Variants in SPPL2A observed in about 807,000 individuals in gnomAD.
SPPL2A encodes signal peptide peptidase-like 2A.
A neutral mutation model predicts 63.8 loss-of-function variants in SPPL2A; 51 were observed. The ratio of observed to expected loss-of-function variants is 0.80; its 90% CI spans 0.64 to 1.01. The LOEUF is 1.01. Among genes scored for constraint, SPPL2A ranks in the 50% least tolerant of loss-of-function variants. SPPL2A has a pLI of 0.00. For missense variants in SPPL2A, 553 were observed against 622.7 expected (o/e 0.89, Z 1.19); for synonymous variants, 188 against 205.8 (o/e 0.91, Z 0.74).
At chr15:50,744,905 A>G (rs1213376109) in intron 5 of SPPL2A, among the ~76,000 whole-genome samples, 3 of 152,216 alleles carry the variant, frequency 2.0e-5, no homozygotes, top group Non-Finnish European at 2.9e-5. Flanking sequence ...AGGATAATTT[A>G]TCATAAATCA....
intron 1 of SPPL2A, among the ~76,000 whole-genome samples, chr15:50,758,640 C>T (rs1420476704): frequency 6.6e-6 from 1 of 151,964 alleles, no homozygotes; most frequent in East Asian, 1.9e-4. Context: ...TTATGATTTA[C>T]ATTAGAATTC....
At chr15:50,762,739 T>C (rs1355289721) in intron 1 of SPPL2A, among the ~76,000 whole-genome samples, 1 of 150,304 alleles carries the variant, frequency 6.7e-6, no homozygotes, top group East Asian at 1.9e-4. Flanking sequence ...TCTTTTCTTT[T>C]TTTTTTTTTT....
At chr15:50,748,353 G>T in intron 3 of SPPL2A, 151 bp from the exon 4 acceptor site, 1 of 427,646 alleles carries the variant, frequency 2.3e-6, no homozygotes, top group Non-Finnish European at 4.1e-6. Context: ...TCTCAAAATT[G>T]AATCCTTTTA....
chr15:50,705,975 T>C lies in SPPL2A; in HGVS notation c.*1825A>G, dbSNP rs1337140490. 2 of 152,224 alleles carry C rather than the reference T, an allele frequency of 1.3e-5. No individual in the cohort carries two copies. The highest frequency in any genetic ancestry group is 2.9e-5 in the Non-Finnish European group (2 of 68,030). 9.4% of individuals were successfully genotyped at this position (152,224 alleles called of 1,614,324 possible). Reference sequence around the variant, plus strand: ...GAAAATGGAAAGATAATTTGACCTCTGACTTCCAGGAGAATGTTCAGGCCA... The same window carrying C: ...GAAAATGGAAAGATAATTTGACCTCCGACTTCCAGGAGAATGTTCAGGCCA... On this transcript the variant is annotated 3_prime_UTR_variant, in exon 15 of 15. Transcript: ENST00000261854.
intron 9 of SPPL2A, 108 bp downstream of exon 9, chr15:50,732,495 A>G (rs1291697264): frequency 1.6e-6 from 1 of 644,134 alleles, no homozygotes; most frequent in East Asian, 2.8e-5. Context: ...AAATTTTCAT[A>G]AACAGTACGC....
chr15:50,748,227 C>T (rs768784656), intron 3 of SPPL2A, 25 bp from the exon 4 acceptor site: 34 of 850,600 alleles, frequency 4.0e-5, no homozygotes, highest in Non-Finnish European at 5.7e-5. Context: ...ATTATGAAAA[C>T]TTATTTACTA....
At chr15:50,748,386 G>A (rs914320807) in intron 3 of SPPL2A, among the ~76,000 whole-genome samples, 184 bp from the exon 4 acceptor site, 5 of 151,068 alleles carry the variant, frequency 3.3e-5, no homozygotes, top group African/African-American at 9.7e-5. Context: ...ACTGATAAAT[G>A]CTATAATATA....
chr15:50,732,819 C>G, intron 8 of SPPL2A, 135 bp from the exon 9 acceptor site: 1 of 599,018 alleles, frequency 1.7e-6, no homozygotes, highest in Non-Finnish European at 3.0e-6. Context: ...GACAGATTCT[C>G]ACTCTGTCAC....
At chr15:50,724,743 G>C (rs1175919266) in intron 12 of SPPL2A, among the ~76,000 whole-genome samples, 1 of 152,240 alleles carries the variant, frequency 6.6e-6, no homozygotes, top group African/African-American at 2.4e-5. Flanking sequence ...CATGCTAAGA[G>C]ATGGTGATCA....
In SPPL2A at chr15:50,734,885, A is replaced by G. The variant is rs578128042; in HGVS notation, c.932+1216T>C. Among the ~76,000 whole-genome samples the G allele has an allele frequency of 9.9e-5, 15 of 152,208 alleles. 1 individual carries two copies. The highest frequency in any genetic ancestry group is 3.6e-4 in the African/African-American group (15 of 41,530). The stretch of plus-strand genomic sequence containing the variant: ...CCTTTTTGTACTTTATATATCATAG[A>G]GTATATTCTCTCTCTCTCTTTTCTT... On this transcript the variant is annotated intron_variant, in intron 8 of 14. Transcript: ENST00000261854.
At position 50,705,517 on chromosome 15, in the gene SPPL2A, CAG is replaced by C. The variant is rs1481447998; in HGVS notation, c.*2281_*2282del. The C allele has an allele frequency of 1.3e-5, 2 of 151,934 alleles. No homozygotes were observed. The highest frequency in any genetic ancestry group is 2.9e-5 in the Non-Finnish European group (2 of 67,992). 9.4% of individuals were successfully genotyped at this position (151,934 alleles called of 1,614,324 possible). On this transcript the variant is annotated 3_prime_UTR_variant, in exon 15 of 15. Transcript: ENST00000261854. ...TATTTTATTATTATAAATGAAAATA[CAG>C]AGTTTTAAAACGGCACTTAATCTGT...
At chr15:50,714,960 T>A (rs551220594) in intron 14 of SPPL2A, among the ~76,000 whole-genome samples, 1 of 151,800 alleles carries the variant, frequency 6.6e-6, no homozygotes, top group East Asian at 2.0e-4. Flanking sequence ...GCCCAAAAAA[T>A]TTTTCTCAAG....
intron 1 of SPPL2A, among the ~76,000 whole-genome samples, chr15:50,758,663 G>A (rs2062982185): frequency 6.6e-6 from 1 of 152,014 alleles, no homozygotes; most frequent in South Asian, 2.1e-4. Context: ...AAACTCAAAT[G>A]CCTACAAGGC....
chr15:50,764,299 A>C (rs1299472397), intron 1 of SPPL2A, among the ~76,000 whole-genome samples: 1 of 152,210 alleles, frequency 6.6e-6, no homozygotes, highest in African/African-American at 2.4e-5. Flanking sequence ...ATTACACAGT[A>C]AACACCTTAA....
intron 10 of SPPL2A, among the ~76,000 whole-genome samples, chr15:50,730,062 G>C (rs1333143846): frequency 6.6e-6 from 1 of 151,894 alleles, no homozygotes; most frequent in African/African-American, 2.4e-5. Context: ...GAGTGACAAA[G>C]GATAAATGGA....
intron 1 of SPPL2A, among the ~76,000 whole-genome samples, chr15:50,764,139 C>A (rs185692591): frequency 7.8e-4 from 119 of 152,216 alleles, no homozygotes; most frequent in Non-Finnish European, 1.5e-3. Context: ...GGGATTAGTA[C>A]GAATGTGATA....
chr15:50,709,247 G>C (rs954859409), intron 14 of SPPL2A, among the ~76,000 whole-genome samples: 1 of 150,462 alleles, frequency 6.6e-6, no homozygotes, highest in Non-Finnish European at 1.5e-5. Context: ...TTTTAGACTA[G>C]TGATTAAATT....
chr15:50,738,657 A>T (rs1413869208), intron 6 of SPPL2A, among the ~76,000 whole-genome samples: 1 of 151,990 alleles, frequency 6.6e-6, no homozygotes, highest in Non-Finnish European at 1.5e-5. Context: ...GGTGGTTCTT[A>T]AAAGGGCTTT....
At position 50,749,577 on chromosome 15, in the gene SPPL2A, T is replaced by A. The variant is rs2414067; in HGVS notation, c.177+59A>T. ...CTGGGATTACAGGCATGAGCCACCG[T>A]GCCCAGCCTCCTTCTTCACTATTTT... is the stretch of plus-strand genomic sequence containing the variant. On this transcript the variant is annotated intron_variant, in intron 2 of 14. Coordinates refer to ENST00000261854, the MANE Select transcript of SPPL2A (RefSeq NM_032802.4). The A allele has an allele frequency of 2.8e-5, 32 of 1,141,462 alleles. No individual in the cohort carries two copies. In the Middle Eastern group the frequency reaches 5.8e-4, roughly 21 times the overall value. 70.7% of individuals were successfully genotyped at this position (1,141,462 alleles called of 1,614,324 possible).
Sources: allele counts gnomAD v4.1 joint callset (sites outside exome capture counted in the v4.1 genomes callset), GRCh38; gene constraint gnomAD v4.1.1; transcripts MANE v1.5; gene names NCBI Gene and HGNC (gene_info 2026-07-23, HGNC 2026-07-21).